Variants in WNT2 observed in about 807,000 individuals in gnomAD.
WNT2 encodes the protein Wnt family member 2.
WNT2 carries 12 observed loss-of-function variants against 36.9 expected under a neutral mutation model. The observed-to-expected ratio is 0.33, with a 90% confidence interval of 0.21 to 0.53. WNT2 has a LOEUF of 0.53. WNT2 is among the 20% of genes least tolerant of loss of function. The pLI is 0.95. For synonymous variants in WNT2, 163 were observed against 174.6 expected (o/e 0.93, Z 0.52); for missense variants, 379 against 473.1 (o/e 0.80, Z 1.84).
chr7:117,283,427 T>C (rs1794523073), intron 4 of WNT2, among the ~76,000 whole-genome samples: 1 of 152,264 alleles, frequency 6.6e-6, no homozygotes, highest in African/African-American at 2.4e-5. Context: ...GCCGTAGGGC[T>C]TTGGGCTTAA....
At chr7:117,295,671 C>T (rs1036537038) in intron 4 of WNT2, among the ~76,000 whole-genome samples, 2 of 152,100 alleles carry the variant, frequency 1.3e-5, no homozygotes, top group Non-Finnish European at 2.9e-5. Flanking sequence ...GTTTTTGCTC[C>T]CCAAGGCCTT....
At position 117,320,677 on chromosome 7, in the gene WNT2, T is replaced by C. The variant is rs772146656; in HGVS notation, c.200A>G (p.Gln67Arg). 9 of 1,613,874 alleles carry C rather than the reference T, an allele frequency of 5.6e-6. No individual in the cohort carries two copies. In the East Asian group the frequency reaches 1.6e-4, roughly 28 times the overall value. The change falls in exon 2 of 5, where the codon CAG (glutamine) becomes CGG (arginine). Residue 67 changes from glutamine to arginine, a missense_variant. By Grantham distance (43) the Gln-to-Arg change is conservative. Transcript: ENST00000265441. ...TTCTGCTGTCCACTCGGCCACGCCC[T>C]GGCTAATGGCACGCATCACATCTGG... The part of the protein sequence containing the change: ...RHPDVMRAIS[Q>R]GVAEWTAECQ...
rs754352325 is a variant in WNT2, at chr7:117,278,142, A to G, written c.*13T>C. The G allele has an allele frequency of 9.3e-6, 15 of 1,613,760 alleles. No individual in the cohort carries two copies. The highest frequency in any genetic ancestry group is 4.5e-5 in the East Asian group (2 of 44,876). On this transcript the variant is annotated 3_prime_UTR_variant, in exon 5 of 5. Coordinates refer to ENST00000265441, the MANE Select transcript of WNT2 (RefSeq NM_003391.3). ...CTTGTAGAAGGGAAGGTGGATGGTG[A>G]CGCCTGCTGGGGTCATGTAGCGGTT...
At chr7:117,279,110 A>G (rs994194825) in intron 4 of WNT2, among the ~76,000 whole-genome samples, 10 of 152,234 alleles carry the variant, frequency 6.6e-5, no homozygotes, top group African/African-American at 1.4e-4. Flanking sequence ...GGAATTACCA[A>G]TGGAATATTG....
At chr7:117,306,137 T>C (rs1223977014) in intron 3 of WNT2, among the ~76,000 whole-genome samples, 1 of 152,220 alleles carries the variant, frequency 6.6e-6, no homozygotes, top group Non-Finnish European at 1.5e-5. Flanking sequence ...TGCTTTCCAT[T>C]TTCCAGAAAT....
At chr7:117,300,590 A>G (rs931286805) in intron 3 of WNT2, among the ~76,000 whole-genome samples, 10 of 152,172 alleles carry the variant, frequency 6.6e-5, no homozygotes, top group Non-Finnish European at 1.0e-4. Context: ...ACTTGATCCC[A>G]GGAGTTCAAG....
chr7:117,316,410 C>A (rs13247977), intron 2 of WNT2, among the ~76,000 whole-genome samples: 1 of 152,060 alleles, frequency 6.6e-6, no homozygotes, highest in African/African-American at 2.4e-5. Context: ...ATGGTTGCTG[C>A]GGCAAATATA....
intron 3 of WNT2, 126 bp from the exon 4 acceptor site, chr7:117,298,002 AAATGTTG>A: frequency 7.6e-7 from 1 of 1,317,400 alleles, no homozygotes; most frequent in Non-Finnish European, 1.0e-6. Context: ...AGTGACTGGG[AAATGTTG>A]AAGCATTGCT....
intron 4 of WNT2, among the ~76,000 whole-genome samples, chr7:117,288,317 T>C (rs4727847): frequency 1.3e-5 from 2 of 152,014 alleles, no homozygotes; most frequent in Non-Finnish European, 1.5e-5. Flanking sequence ...GAAACAGCCA[T>C]TTCTTAAGAG....
chr7:117,301,910 C>A (rs553353570), intron 3 of WNT2, among the ~76,000 whole-genome samples: 3 of 149,682 alleles, frequency 2.0e-5, no homozygotes, highest in Admixed American at 6.7e-5. Context: ...CAGGTTCAAG[C>A]GATTCTCCTG....
rs75815624 is a variant in WNT2, at chr7:117,299,447, T to G, written c.589-1571A>C. Among the ~76,000 whole-genome samples the G allele has an allele frequency of 8.7e-3, 1,331 of 152,260 alleles. 23 individuals carry two copies. The highest frequency in any genetic ancestry group is 0.03 in the African/African-American group (1,245 of 41,544). On this transcript the variant is annotated intron_variant, in intron 3 of 4. Coordinates refer to ENST00000265441, the MANE Select transcript of WNT2 (RefSeq NM_003391.3). The stretch of plus-strand genomic sequence containing the variant: ...TAATCATAAGTAATATCCCTAGCTT[T>G]AAAAATGACAGGAAATATTACTGCT...
Position 117,284,462 on chromosome 7 carries a change from C to T in WNT2, c.854-6078G>A, listed in dbSNP as rs1411364173. Reference sequence around the variant, plus strand: ...ACACATACTTTTAGATGTTTTTTCTCAAATAATATACAAACTTGTTAACTG... The same window carrying T: ...ACACATACTTTTAGATGTTTTTTCTTAAATAATATACAAACTTGTTAACTG... On this transcript the variant is annotated intron_variant, in intron 4 of 4. Coordinates refer to ENST00000265441, the MANE Select transcript of WNT2 (RefSeq NM_003391.3). The surrounding 1 kb of genome is among the most constrained non-coding windows in gnomAD (Gnocchi z 5.2). 6.6e-6 allele frequency among the ~76,000 whole-genome samples: 1 copy of T among 152,120 alleles called. No individual in the cohort carries two copies. The highest frequency in any genetic ancestry group is 1.5e-5 in the Non-Finnish European group (1 of 68,022).
At chr7:117,299,947 A>G (rs1391007260) in intron 3 of WNT2, among the ~76,000 whole-genome samples, 1 of 152,194 alleles carries the variant, frequency 6.6e-6, no homozygotes, top group African/African-American at 2.4e-5. Flanking sequence ...TGGTGACAGG[A>G]TCATCTGTGC....
At chr7:117,310,532 G>A (rs892933387) in intron 3 of WNT2, among the ~76,000 whole-genome samples, 4 of 142,872 alleles carry the variant, frequency 2.8e-5, no homozygotes, top group Non-Finnish European at 6.0e-5. Context: ...CTAGTGAGCC[G>A]AGATTGTGCC....
chr7:117,305,445 T>C (rs1320540560), intron 3 of WNT2, among the ~76,000 whole-genome samples: 2 of 152,182 alleles, frequency 1.3e-5, no homozygotes, highest in Non-Finnish European at 2.9e-5. Flanking sequence ...CTTTTATCCT[T>C]GAATTACTGC....
chr7:117,318,896 G>A (rs1360407951), intron 2 of WNT2, among the ~76,000 whole-genome samples: 1 of 152,184 alleles, frequency 6.6e-6, no homozygotes, highest in Admixed American at 6.5e-5. Flanking sequence ...TTTTATAAAT[G>A]AATCCCCAGC....
intron 3 of WNT2, among the ~76,000 whole-genome samples, chr7:117,307,190 T>C (rs1284690183): frequency 6.6e-6 from 1 of 152,228 alleles, no homozygotes; most frequent in African/African-American, 2.4e-5. Context: ...AATTCTATTT[T>C]ATATTTCTCT....
rs761310626 is a variant in WNT2 at position 117,320,626 on chromosome 7, C to T, written c.251G>A (p.Arg84His). 6.2e-6 allele frequency: 10 copies of T among 1,613,798 alleles called. No homozygotes were observed. Among genetic ancestry groups the T allele is most frequent in the African/African-American group, 2.7e-5 (2 of 74,936 alleles). Residue 84 changes from arginine to histidine, a missense_variant, in exon 2 of 5, where the codon CGC (arginine) becomes CAC (histidine). Physicochemically the swap from Arg to His is conservative, Grantham distance 29 (BLOSUM62 0). Transcript: ENST00000265441. ...AECQHQFRQH[R>H]WNCNTLDRDH... ...CCTGTCCAGGGTGTTGCAATTCCAGCGGTGCTGGCGGAACTGGTGCTGGCA... is the reference window on the plus strand; with the variant it reads ...CCTGTCCAGGGTGTTGCAATTCCAGTGGTGCTGGCGGAACTGGTGCTGGCA...
At chr7:117,289,081 A>G (rs1032748532) in intron 4 of WNT2, among the ~76,000 whole-genome samples, 1 of 105,950 alleles carries the variant, frequency 9.4e-6, no homozygotes, top group Non-Finnish European at 1.7e-5. Flanking sequence ...TTTTTTTGAG[A>G]CAGAGTCTTG....
Sources: allele counts gnomAD v4.1 joint callset (sites outside exome capture counted in the v4.1 genomes callset), GRCh38; gene constraint gnomAD v4.1.1; non-coding constraint Gnocchi (gnomAD v3.1); transcripts MANE v1.5; gene names NCBI Gene and HGNC (gene_info 2026-07-23, HGNC 2026-07-21).